The following PPM1H variants were observed in gnomAD, a reference collection of about 807,000 sequenced individuals.
The protein encoded by PPM1H is protein phosphatase 1H.
In PPM1H, 27 loss-of-function variants were observed where a neutral mutation model predicts 54.9. That is an observed-to-expected ratio of 0.49 (90% CI 0.36 to 0.68). PPM1H has a LOEUF of 0.68. PPM1H is among the 30% of genes least tolerant of loss of function. PPM1H has a pLI of 0.00. For missense variants in PPM1H, 596 were observed against 667.8 expected (o/e 0.89, Z 1.19); for synonymous variants, 305 against 270.8 (o/e 1.13, Z -1.24).
At chr12:62,784,416 T>C (rs533690170) in intron 4 of PPM1H, among the ~76,000 whole-genome samples, 11 of 152,302 alleles carry the variant, frequency 7.2e-5, no homozygotes, top group East Asian at 5.8e-4. Context: ...TTCCTGACCA[T>C]TGGCAGCTTC....
At chr12:62,895,825 C>G (rs1305394516) in intron 1 of PPM1H, among the ~76,000 whole-genome samples, 1 of 152,168 alleles carries the variant, frequency 6.6e-6, no homozygotes, top group Admixed American at 6.5e-5. Context: ...AGGCCCTCAT[C>G]AGAAGTGGAG....
At chr12:62,784,755 G>T (rs1045673646) in intron 4 of PPM1H, among the ~76,000 whole-genome samples, 2 of 152,184 alleles carry the variant, frequency 1.3e-5, no homozygotes, top group African/African-American at 4.8e-5. Flanking sequence ...ATTTCTGTAA[G>T]CTCAAATACC....
At chr12:62,922,513 C>T (rs1484455937) in intron 1 of PPM1H, among the ~76,000 whole-genome samples, 9 of 152,068 alleles carry the variant, frequency 5.9e-5, no homozygotes, top group Admixed American at 5.9e-4. Context: ...AGACCAGGGC[C>T]TTAATAATCA....
At chr12:62,704,332 C>T (rs966989924) in intron 6 of PPM1H, among the ~76,000 whole-genome samples, 2 of 152,146 alleles carry the variant, frequency 1.3e-5, no homozygotes, top group African/African-American at 4.8e-5. Context: ...CATCTCGCCC[C>T]AGGCTCATCA....
intron 9 of PPM1H, among the ~76,000 whole-genome samples, chr12:62,657,720 A>C (rs1389111025): frequency 6.6e-6 from 1 of 152,238 alleles, no homozygotes; most frequent in Non-Finnish European, 1.5e-5. Flanking sequence ...GTTTCATAAA[A>C]AGAACCTTTG....
chr12:62,909,706 T>C (rs1461862681), intron 1 of PPM1H, among the ~76,000 whole-genome samples: 2 of 152,170 alleles, frequency 1.3e-5, no homozygotes, highest in Non-Finnish European at 2.9e-5. Flanking sequence ...CACTTACAGG[T>C]AGCTGTCATC....
chr12:62,875,096 CCCT>C lies in PPM1H; in HGVS notation c.246-42820_246-42818del, dbSNP rs555296286. On this transcript the variant is annotated intron_variant, in intron 1 of 9. Coordinates refer to ENST00000228705, the MANE Select transcript of PPM1H (RefSeq NM_020700.2). ...ATTCAGTACGTAAGCATTAGTAGGA[CCCT>C]CTTTTATATTTATACATGGATTCAA... Among the ~76,000 whole-genome samples, 658 of 152,296 alleles carry C rather than the reference CCCT, an allele frequency of 4.3e-3. 13 individuals carry two copies. Among genetic ancestry groups the C allele is most frequent in the African/African-American group, 0.015 (630 of 41,552 alleles).
rs182764322 is a variant in PPM1H at position 62,684,828 on chromosome 12, G to A, written c.1245+4871C>T. 3.6e-4 allele frequency among the ~76,000 whole-genome samples: 55 copies of A among 152,182 alleles called. 1 individual carries two copies. The East Asian group carries it at 8.5e-3, about 24-fold the overall frequency. ...CTTAGGTGGTTTCAGTATGTTAATCGAGCTTTCTAGGCTCCCAACAGAGGC... is the reference window on the plus strand; with the variant it reads ...CTTAGGTGGTTTCAGTATGTTAATCAAGCTTTCTAGGCTCCCAACAGAGGC... On this transcript the variant is annotated intron_variant, in intron 8 of 9. Transcript: ENST00000228705.
intron 1 of PPM1H, among the ~76,000 whole-genome samples, chr12:62,903,197 G>A (rs550555716): frequency 1.3e-5 from 2 of 152,080 alleles, no homozygotes; most frequent in African/African-American, 4.8e-5. Context: ...TGAAGTAGCT[G>A]GTGCAGTTCA....
chr12:62,670,833 A>C (rs2075952872), intron 8 of PPM1H, among the ~76,000 whole-genome samples: 1 of 152,152 alleles, frequency 6.6e-6, no homozygotes, highest in South Asian at 2.1e-4. Flanking sequence ...AGCACTCCCC[A>C]ATTAACATCT....
chr12:62,783,517 C>A (rs1565787344), intron 4 of PPM1H, among the ~76,000 whole-genome samples: 1 of 152,236 alleles, frequency 6.6e-6, no homozygotes, highest in Admixed American at 6.5e-5. Flanking sequence ...ATCGAACTCC[C>A]AGTCTTGGGC....
At chr12:62,890,205 A>T (rs757969162) in intron 1 of PPM1H, among the ~76,000 whole-genome samples, 5 of 152,216 alleles carry the variant, frequency 3.3e-5, no homozygotes, top group Non-Finnish European at 7.3e-5. Context: ...TCATGCCTGT[A>T]ATCCCAGCAC....
intron 7 of PPM1H, among the ~76,000 whole-genome samples, chr12:62,693,411 T>C (rs1428988183): frequency 6.6e-6 from 1 of 152,190 alleles, no homozygotes; most frequent in Non-Finnish European, 1.5e-5. Context: ...ATGGGGCAAG[T>C]GGCAAACAGA....
intron 2 of PPM1H, among the ~76,000 whole-genome samples, chr12:62,817,137 G>GAAAAAAAAAAAAAAAAAAAAAAAAAAA (rs748440124): frequency 1.5e-4 from 10 of 67,340 alleles, no homozygotes; most frequent in South Asian, 5.0e-4. Context: ...AAAAAAAAAA[G>GAAAAAAAAAAAAAAAAAAAAAAAAAAA]AAAAAAAAAA....
intron 4 of PPM1H, among the ~76,000 whole-genome samples, chr12:62,745,801 T>C (rs930200954): frequency 6.7e-6 from 1 of 150,272 alleles, no homozygotes; most frequent in African/African-American, 2.5e-5. Flanking sequence ...AAAATAAAAG[T>C]ATAAGAAGAG....
In PPM1H at chr12:62,647,408, C is replaced by G. The variant is rs1322304721; in HGVS notation, c.*1081G>C. On this transcript the variant is annotated 3_prime_UTR_variant, in exon 10 of 10. Transcript: ENST00000228705. Reference sequence around the variant, plus strand: ...ATCCTTACACTTTGTTTGGAGTGGGCTTGGGGACAGTCACAAGCCATGAAA... The same window carrying G: ...ATCCTTACACTTTGTTTGGAGTGGGGTTGGGGACAGTCACAAGCCATGAAA... 2.0e-5 allele frequency: 3 copies of G among 152,230 alleles called. No individual in the cohort carries two copies. Among genetic ancestry groups the G allele is most frequent in the African/African-American group, 7.2e-5 (3 of 41,462 alleles). The allele number at this position is 152,230 out of a possible 1,614,324, so 9.4% of individuals were successfully genotyped here. A position where few individuals can be genotyped will look rare whatever the true frequency, so the allele number is the denominator to read the frequency against.
intron 6 of PPM1H, among the ~76,000 whole-genome samples, chr12:62,715,920 C>T (rs922504558): frequency 3.3e-5 from 5 of 152,176 alleles, no homozygotes; most frequent in Admixed American, 6.5e-5. Context: ...CCTATAGGAT[C>T]GTCAAGACAC....
chr12:62,835,195 T>C (rs1565804026), intron 1 of PPM1H, among the ~76,000 whole-genome samples: 1 of 152,200 alleles, frequency 6.6e-6, no homozygotes, highest in South Asian at 2.1e-4. Context: ...AAAGCTACTA[T>C]AATTACATAA....
At chr12:62,778,758 C>A (rs1418335433) in intron 4 of PPM1H, among the ~76,000 whole-genome samples, 2 of 151,970 alleles carry the variant, frequency 1.3e-5, no homozygotes, top group East Asian at 3.9e-4. Flanking sequence ...TATAGTGAGA[C>A]CCCATCTCTA....
Sources: allele counts gnomAD v4.1 joint callset (sites outside exome capture counted in the v4.1 genomes callset), GRCh38; gene constraint gnomAD v4.1.1; transcripts MANE v1.5; gene names NCBI Gene and HGNC (gene_info 2026-07-23, HGNC 2026-07-21).